The following MGAT4C variants were observed in gnomAD, a reference collection of about 807,000 sequenced individuals.
MGAT4C encodes alpha-1,3-mannosyl-glycoprotein 4-beta-N-acetylglucosaminyltransferase C.
Under a neutral mutation model 40.1 loss-of-function variants are expected in MGAT4C, and 19 were observed. The observed-to-expected ratio is 0.47, with a 90% CI of 0.33 to 0.70. The LOEUF (loss-of-function observed/expected upper bound fraction) is 0.70. MGAT4C is among the 30% of genes least tolerant of loss of function. MGAT4C has a pLI of 0.02. For synonymous variants in MGAT4C, 181 were observed against 187.1 expected (o/e 0.97, Z 0.27); for missense variants, 491 against 563.2 (o/e 0.87, Z 1.30).
chr12:86,409,164 A>G (rs1215190257), intron 3 of MGAT4C, among the ~76,000 whole-genome samples: 1 of 152,194 alleles, frequency 6.6e-6, no homozygotes, highest in East Asian at 1.9e-4. Flanking sequence ...TCTAGAAATT[A>G]GTTAATGAAA....
At chr12:86,580,068 G>C (rs537086614) in intron 2 of MGAT4C, among the ~76,000 whole-genome samples, 1 of 151,298 alleles carries the variant, frequency 6.6e-6, no homozygotes, top group African/African-American at 2.4e-5. Flanking sequence ...CTTGTACTTG[G>C]ATATTGATAT....
At chr12:86,637,451 G>A (rs1404970787) in intron 2 of MGAT4C, among the ~76,000 whole-genome samples, 2 of 151,826 alleles carry the variant, frequency 1.3e-5, no homozygotes, top group African/African-American at 4.8e-5. Context: ...TAATGTTTGA[G>A]TTTTAGCCTA....
intron 2 of MGAT4C, among the ~76,000 whole-genome samples, chr12:86,468,392 C>A (rs1418273952): frequency 1.3e-5 from 2 of 152,062 alleles, no homozygotes; most frequent in African/African-American, 4.8e-5. Flanking sequence ...TTCATATCTT[C>A]ATTGCTAGCA....
chr12:86,767,877 A>G (rs1292046047), intron 1 of MGAT4C, among the ~76,000 whole-genome samples: 1 of 152,230 alleles, frequency 6.6e-6, no homozygotes, highest in African/African-American at 2.4e-5. Flanking sequence ...CAAAATAATA[A>G]GAGCTATCTA....
chr12:86,173,877 A>G (rs539839552), intron 1 of MGAT4C, among the ~76,000 whole-genome samples: 1 of 152,014 alleles, frequency 6.6e-6, no homozygotes, highest in South Asian at 2.1e-4. Context: ...CTAGAATTGT[A>G]TTGGGTTTTT....
chr12:86,119,489 C>T (rs889518876), intron 1 of MGAT4C, among the ~76,000 whole-genome samples: 1 of 151,930 alleles, frequency 6.6e-6, no homozygotes, highest in African/African-American at 2.4e-5. Flanking sequence ...CGATCTGCAA[C>T]CTCCACCTCC....
intron 2 of MGAT4C, among the ~76,000 whole-genome samples, chr12:86,468,354 T>C (rs1957711405): frequency 6.6e-6 from 1 of 152,106 alleles, no homozygotes; most frequent in Admixed American, 6.6e-5. Flanking sequence ...GATCCTAGTT[T>C]AAAGGTTTTC....
At chr12:86,610,171 T>G (rs139178926) in intron 2 of MGAT4C, among the ~76,000 whole-genome samples, 2 of 152,170 alleles carry the variant, frequency 1.3e-5, no homozygotes, top group Admixed American at 1.3e-4. Context: ...TTGTGATTGA[T>G]TTAAAAGGTT....
chr12:86,394,611 ATACTTTATATATATATATATATATG>A (rs1565729520), intron 3 of MGAT4C, among the ~76,000 whole-genome samples: 2 of 115,388 alleles, frequency 1.7e-5, no homozygotes, highest in Admixed American at 2.2e-4. Flanking sequence ...TTATATATAT[ATACTTTATATATATATATATATATG>A]TACTTTTTTT....
At chr12:86,440,876 A>G (rs61949527) in intron 2 of MGAT4C, among the ~76,000 whole-genome samples, 14,097 of 151,988 alleles carry the variant, frequency 0.093, 888 homozygotes, top group Middle Eastern at 0.24. Flanking sequence ...CTTTTACAAT[A>G]ACTAAAAAAA....
At chr12:86,183,408 G>C (rs748850461) in intron 1 of MGAT4C, among the ~76,000 whole-genome samples, 2 of 151,950 alleles carry the variant, frequency 1.3e-5, no homozygotes, top group African/African-American at 4.8e-5. Context: ...TTCTTAATCC[G>C]AGAAAAGGAT....
chr12:86,015,226 G>A (rs943249718), intron 2 of MGAT4C, among the ~76,000 whole-genome samples: 2 of 150,278 alleles, frequency 1.3e-5, no homozygotes, highest in Admixed American at 1.3e-4. Context: ...AAGTAATTGC[G>A]GTTTTTCCGC....
intron 3 of MGAT4C, among the ~76,000 whole-genome samples, chr12:86,385,008 GC>G (rs1221141933): frequency 6.6e-6 from 1 of 152,142 alleles, no homozygotes; most frequent in Non-Finnish European, 1.5e-5. Flanking sequence ...CATTCAAATA[GC>G]AGTTTTTCCC....
At chr12:86,071,705 GTA>G (rs1868515315) in intron 1 of MGAT4C, among the ~76,000 whole-genome samples, 1 of 152,040 alleles carries the variant, frequency 6.6e-6, no homozygotes, top group Non-Finnish European at 1.5e-5. Flanking sequence ...CTCAACAATT[GTA>G]TGAGTTAGGA....
intron 1 of MGAT4C, among the ~76,000 whole-genome samples, chr12:86,203,056 T>G (rs796232627): frequency 4.6e-5 from 6 of 131,056 alleles, no homozygotes; most frequent in Admixed American, 1.5e-4. Context: ...GTGTGTGTGT[T>G]TTTACATAGC....
chr12:86,777,460 T>C (rs1469774630), intron 1 of MGAT4C, among the ~76,000 whole-genome samples: 1 of 152,172 alleles, frequency 6.6e-6, no homozygotes, highest in Non-Finnish European at 1.5e-5. Flanking sequence ...CAAGTTGCTT[T>C]GGCAAATTAA....
chr12:86,161,886 C>T (rs4842453), intron 1 of MGAT4C, among the ~76,000 whole-genome samples: 10,307 of 152,052 alleles, frequency 0.068, 496 homozygotes, highest in Middle Eastern at 0.21. Context: ...TGCCAACAAA[C>T]GCATGAAAAA....
chr12:86,288,547 T>C (rs1953417778), intron 4 of MGAT4C, among the ~76,000 whole-genome samples: 1 of 152,156 alleles, frequency 6.6e-6, no homozygotes, highest in Non-Finnish European at 1.5e-5. Flanking sequence ...AGAGGTCCAG[T>C]TTCAGTTTTC....
At chr12:86,693,582 T>C (rs1487849119) in intron 2 of MGAT4C, among the ~76,000 whole-genome samples, 1 of 152,144 alleles carries the variant, frequency 6.6e-6, no homozygotes, top group Non-Finnish European at 1.5e-5. Context: ...CTTCATTTGG[T>C]ATATGATAGA....
Sources: allele counts gnomAD v4.1 joint callset (sites outside exome capture counted in the v4.1 genomes callset), GRCh38; gene constraint gnomAD v4.1.1; transcripts MANE v1.5; gene names NCBI Gene and HGNC (gene_info 2026-07-23, HGNC 2026-07-21).